Variants in RXFP1 observed in about 807,000 individuals in gnomAD.
RXFP1 encodes the protein relaxin receptor 1.
In RXFP1, 73 loss-of-function variants were observed where a neutral mutation model predicts 89.8. The ratio of observed to expected loss-of-function variants is 0.81; its 90% CI spans 0.67 to 0.99. The LOEUF is 0.99. RXFP1 is among the 50% of genes least tolerant of loss of function. RXFP1 has a pLI of 0.00. For missense variants in RXFP1, 793 were observed against 895.5 expected, an observed-to-expected ratio of 0.89 and a Z score of 1.46; for synonymous variants, 277 against 305.5, an observed-to-expected ratio of 0.91 and a Z score of 0.97.
chr4:158,629,285 T>TC (rs1767563346), intron 11 of RXFP1, among the ~76,000 whole-genome samples: 2 of 152,072 alleles, frequency 1.3e-5, no homozygotes, highest in African/African-American at 4.8e-5. Flanking sequence ...TTATTATGTT[T>TC]CCTAAAGGAT....
At chr4:158,529,497 C>T (rs1743470759) in intron 1 of RXFP1, among the ~76,000 whole-genome samples, 1 of 151,956 alleles carries the variant, frequency 6.6e-6, no homozygotes, top group South Asian at 2.1e-4. Context: ...TGGGCTCAAG[C>T]CATCCGCCCA....
At chr4:158,553,045 C>T (rs1480891288) in intron 1 of RXFP1, among the ~76,000 whole-genome samples, 2 of 151,914 alleles carry the variant, frequency 1.3e-5, no homozygotes, top group Non-Finnish European at 2.9e-5. Flanking sequence ...AAAAAATAGC[C>T]ATAAGTGGTG....
chr4:158,528,049 T>C (rs1743026165), intron 1 of RXFP1, among the ~76,000 whole-genome samples: 1 of 152,210 alleles, frequency 6.6e-6, no homozygotes, highest in Admixed American at 6.5e-5. Flanking sequence ...ACTTTGCCAA[T>C]ACACTAAGCT....
intron 16 of RXFP1, among the ~76,000 whole-genome samples, chr4:158,647,988 C>T (rs909689548): frequency 9.4e-5 from 14 of 148,948 alleles, no homozygotes; most frequent in African/African-American, 3.5e-4. Flanking sequence ...GCACTCCAGC[C>T]CGAGCAACAC....
At chr4:158,583,773 A>T (rs1757805611) in intron 2 of RXFP1, among the ~76,000 whole-genome samples, 1 of 152,216 alleles carries the variant, frequency 6.6e-6, no homozygotes, top group South Asian at 2.1e-4. Context: ...TCCTCTCAGA[A>T]CACTTCCTTC....
chr4:158,587,370 A>G (rs1030263522), intron 2 of RXFP1, among the ~76,000 whole-genome samples: 1 of 152,248 alleles, frequency 6.6e-6, no homozygotes, highest in African/African-American at 2.4e-5. Flanking sequence ...AATTGTTTTT[A>G]GTAATACCTT....
intron 16 of RXFP1, 30 bp downstream of exon 16, chr4:158,647,231 A>G (rs13111939): frequency 0.98 from 1,478,348 of 1,507,452 alleles, 728,964 homozygotes; most frequent in East Asian, 1. Context: ...ATGTTCACAA[A>G]TTTTTATTTC....
At chr4:158,568,025 C>A (rs1754054603) in intron 1 of RXFP1, among the ~76,000 whole-genome samples, 1 of 152,204 alleles carries the variant, frequency 6.6e-6, no homozygotes, top group Non-Finnish European at 1.5e-5. Context: ...ACTCCTGAAG[C>A]CATCAAGACC....
At chr4:158,597,201 T>C (rs1760794517) in intron 3 of RXFP1, among the ~76,000 whole-genome samples, 1 of 152,180 alleles carries the variant, frequency 6.6e-6, no homozygotes, top group South Asian at 2.1e-4. Flanking sequence ...TAGGGATTTA[T>C]TGGAAATTAA....
chr4:158,562,523 C>CAAAAAA (rs55944906), intron 1 of RXFP1, among the ~76,000 whole-genome samples: 4,356 of 25,336 alleles, frequency 0.17, 1,775 homozygotes, highest in East Asian at 0.56. Flanking sequence ...GACTCCGTCT[C>CAAAAAA]AAAAAAAAAA....
intron 2 of RXFP1, among the ~76,000 whole-genome samples, chr4:158,579,007 G>T (rs1028436312): frequency 6.1e-5 from 9 of 146,512 alleles, no homozygotes; most frequent in African/African-American, 2.3e-4. Flanking sequence ...ACTAGATCAG[G>T]GTGGGCCCTA....
intron 4 of RXFP1, among the ~76,000 whole-genome samples, chr4:158,604,324 A>G (rs1208585287): frequency 1.3e-5 from 2 of 150,728 alleles, no homozygotes; most frequent in African/African-American, 5.0e-5. Flanking sequence ...CCCTCCTTTC[A>G]CTGTTAAAGA....
At chr4:158,613,260 A>C (rs903317695) in intron 8 of RXFP1, among the ~76,000 whole-genome samples, 4 of 152,214 alleles carry the variant, frequency 2.6e-5, no homozygotes, top group Non-Finnish European at 5.9e-5. Flanking sequence ...TGGTTGCTGA[A>C]GCCTGGGGTG....
chr4:158,627,783 G>A (rs924609934), intron 10 of RXFP1, among the ~76,000 whole-genome samples: 2 of 152,024 alleles, frequency 1.3e-5, no homozygotes, highest in Non-Finnish European at 1.5e-5. Context: ...TATAAATAAT[G>A]CAAAATAGTG....
chr4:158,614,252 T>C (rs1764098969), intron 8 of RXFP1, among the ~76,000 whole-genome samples: 1 of 152,204 alleles, frequency 6.6e-6, no homozygotes, highest in Non-Finnish European at 1.5e-5. Context: ...CCACTTAAAG[T>C]CACCAGCTGC....
intron 9 of RXFP1, among the ~76,000 whole-genome samples, chr4:158,624,648 A>AT (rs982173518): frequency 1.3e-5 from 2 of 152,180 alleles, no homozygotes; most frequent in Non-Finnish European, 2.9e-5. Context: ...CAAGAAACAG[A>AT]TTTTTTGTTG....
chr4:158,644,334 C>T (rs1054676304), intron 14 of RXFP1, among the ~76,000 whole-genome samples: 2 of 152,204 alleles, frequency 1.3e-5, no homozygotes, highest in Non-Finnish European at 2.9e-5. Flanking sequence ...GTGTGAGCCA[C>T]CGCGCCCAGC....
intron 2 of RXFP1, among the ~76,000 whole-genome samples, chr4:158,591,167 A>G (rs1759384267): frequency 1.3e-5 from 2 of 152,228 alleles, no homozygotes. Flanking sequence ...TTAAGTTACC[A>G]ACTTCTGAAG....
intron 1 of RXFP1, among the ~76,000 whole-genome samples, chr4:158,524,314 T>A (rs574513463): frequency 3.6e-4 from 55 of 152,292 alleles, no homozygotes; most frequent in African/African-American, 1.3e-3. Context: ...TTGAAAACTA[T>A]AAAGCCCGTT....
Sources: gnomAD v4.1 joint callset for allele counts (sites outside exome capture counted in the v4.1 genomes callset) on GRCh38, gnomAD v4.1.1 for gene constraint, MANE v1.5 for transcripts, NCBI Gene and HGNC (gene_info 2026-07-23, HGNC 2026-07-21) for gene names.